ARL8B: variants seen among roughly 807,000 people sequenced by gnomAD.
The protein encoded by ARL8B is ADP-ribosylation factor-like protein 8B.
ARL8B carries 9 observed loss-of-function variants against 30.6 expected under a neutral mutation model. That is an observed-to-expected ratio of 0.29 (90% confidence interval 0.18 to 0.51). ARL8B has a LOEUF of 0.51. Ranked by LOEUF, ARL8B falls within the 20% of genes least tolerant of loss-of-function variation. ARL8B has a pLI of 0.97. For synonymous variants in ARL8B, 74 were observed against 76.0 expected (o/e 0.97, Z 0.14); for missense variants, 130 against 227.2 (o/e 0.57, Z 2.75).
Position 5,131,349 on chromosome 3 carries a change from C to T in ARL8B, c.123+8761C>T, listed in dbSNP as rs183767851. Among the ~76,000 whole-genome samples the T allele has an allele frequency of 1.9e-3, 295 of 151,884 alleles. 3 individuals carry two copies. The highest frequency in any genetic ancestry group is 2.3e-3 in the Non-Finnish European group (155 of 67,920). On this transcript the variant is annotated intron_variant, in intron 1 of 6. Coordinates refer to ENST00000256496, the MANE Select transcript of ARL8B (RefSeq NM_018184.3). ...TCTCTCCTTCATAATTTAGCTATTTCGTTTCTAGCTTTTGGCAATCTTATT... is the reference window on the plus strand; with the variant it reads ...TCTCTCCTTCATAATTTAGCTATTTTGTTTCTAGCTTTTGGCAATCTTATT...
At chr3:5,149,635 T>C (rs538605996) in intron 1 of ARL8B, among the ~76,000 whole-genome samples, 21 of 152,340 alleles carry the variant, frequency 1.4e-4, no homozygotes, top group Non-Finnish European at 2.2e-4. Flanking sequence ...CTTCCCCACT[T>C]AAGTTTCGAT....
chr3:5,165,651 A>T (rs1055151515), intron 1 of ARL8B, among the ~76,000 whole-genome samples: 3 of 152,164 alleles, frequency 2.0e-5, no homozygotes, highest in Non-Finnish European at 4.4e-5. Context: ...TACACCCTTA[A>T]AAAATGATTC....
At chr3:5,130,897 CAT>C (rs983779112) in intron 1 of ARL8B, among the ~76,000 whole-genome samples, 4 of 152,126 alleles carry the variant, frequency 2.6e-5, no homozygotes, top group Admixed American at 6.6e-5. Context: ...AGGCTACACA[CAT>C]AGTTAGGCCT....
chr3:5,172,540 A>T, intron 3 of ARL8B, 107 bp from the exon 4 acceptor site: 1 of 783,886 alleles, frequency 1.3e-6, no homozygotes, highest in Non-Finnish European at 2.1e-6. Context: ...TATTTTGGTT[A>T]ATAATTTCAA....
At chr3:5,173,982 T>G in intron 4 of ARL8B, 35 bp from the exon 5 acceptor site, 1 of 1,487,226 alleles carries the variant, frequency 6.7e-7, no homozygotes, top group Non-Finnish European at 9.4e-7. Context: ...TTTTCTTGCA[T>G]AAACGTGTGC....
At chr3:5,178,215 T>G (rs1373162446) in intron 6 of ARL8B, among the ~76,000 whole-genome samples, 1 of 152,102 alleles carries the variant, frequency 6.6e-6, no homozygotes, top group Non-Finnish European at 1.5e-5. Context: ...CAATGTTTCA[T>G]GCCTTTTAAC....
At chr3:5,146,471 T>C (rs1459907666) in intron 1 of ARL8B, among the ~76,000 whole-genome samples, 2 of 152,216 alleles carry the variant, frequency 1.3e-5, no homozygotes, top group African/African-American at 2.4e-5. Flanking sequence ...AGCCTTTTTC[T>C]CCCTTCAGTA....
At position 5,172,067 on chromosome 3, in the gene ARL8B, A is replaced by G. The variant is rs1045856626; in HGVS notation, c.205-83A>G. ...TTGTAGAAATAAATATATCTTCCCG[A>G]TCTTTCTTTTTTTCTGTTACTTCCT... is the stretch of plus-strand genomic sequence containing the variant. On this transcript the variant is annotated intron_variant, in intron 2 of 6. Coordinates refer to ENST00000256496, the MANE Select transcript of ARL8B (RefSeq NM_018184.3). The G allele has an allele frequency of 1.3e-5, 17 of 1,315,420 alleles. No individual in the cohort carries two copies. In the African/African-American group the frequency reaches 2.2e-4, roughly 17 times the overall value. 81.5% of individuals were successfully genotyped at this position (1,315,420 alleles called of 1,614,324 possible).
At chr3:5,170,410 C>G (rs2054662129) in intron 1 of ARL8B, 93 bp from the exon 2 acceptor site, 1 of 741,922 alleles carries the variant, frequency 1.3e-6, no homozygotes, top group African/African-American at 1.8e-5. Context: ...AAAATATTTA[C>G]TAAAATGGTT....
At chr3:5,159,660 C>T (rs1251618066) in intron 1 of ARL8B, among the ~76,000 whole-genome samples, 4 of 145,400 alleles carry the variant, frequency 2.8e-5, no homozygotes, top group Admixed American at 6.8e-5. Context: ...ATTTTTGTTA[C>T]ATACATATCT....
At chr3:5,129,206 C>T (rs528453571) in intron 1 of ARL8B, among the ~76,000 whole-genome samples, 2 of 151,994 alleles carry the variant, frequency 1.3e-5, no homozygotes, top group Non-Finnish European at 2.9e-5. Context: ...TAGAGTCTCG[C>T]TCTTGTTGCC....
At chr3:5,129,288 C>G (rs898574135) in intron 1 of ARL8B, among the ~76,000 whole-genome samples, 9 of 152,132 alleles carry the variant, frequency 5.9e-5, no homozygotes, top group Admixed American at 5.9e-4. Context: ...AATTCTCCTG[C>G]CTCAGCTTCC....
In ARL8B at chr3:5,122,645, G is replaced by T; in HGVS notation, c.123+57G>T. ...TCCGCAGCCAGGAGTCCGGCCCGGC[G>T]CTTCTCCAAGGCCTGAGTTGGGGCC... is the stretch of plus-strand genomic sequence containing the variant. On this transcript the variant is annotated intron_variant, in intron 1 of 6. Transcript: ENST00000256496. 3 of 1,550,150 alleles carry T rather than the reference G, an allele frequency of 1.9e-6. No individual in the cohort carries two copies. The East Asian group carries it at 6.9e-5, about 36-fold the overall frequency.
At chr3:5,162,068 GT>G (rs2054589151) in intron 1 of ARL8B, among the ~76,000 whole-genome samples, 1 of 152,202 alleles carries the variant, frequency 6.6e-6, no homozygotes, top group Non-Finnish European at 1.5e-5. Context: ...CGTTATCTGT[GT>G]ATGCTGTCAA....
intron 1 of ARL8B, among the ~76,000 whole-genome samples, chr3:5,133,420 G>C (rs1017534936): frequency 1.3e-5 from 2 of 152,170 alleles, no homozygotes; most frequent in Non-Finnish European, 2.9e-5. Flanking sequence ...GGAGACAGTT[G>C]GGGAGGAGGG....
chr3:5,166,583 C>T (rs2054626513), intron 1 of ARL8B, among the ~76,000 whole-genome samples: 1 of 152,070 alleles, frequency 6.6e-6, no homozygotes, highest in African/African-American at 2.4e-5. Flanking sequence ...GGCAATCCAC[C>T]TGCCTTGGCC....
At position 5,174,086 on chromosome 3, in the gene ARL8B, T is replaced by A. The variant is rs1482203385; in HGVS notation, c.440+2T>A. Reference sequence around the variant, plus strand: ...TGAGAAACAGCTAATTGAAAAAATGTATGTCTTGAATATGCTATTTTAATA... The same window carrying A: ...TGAGAAACAGCTAATTGAAAAAATGAATGTCTTGAATATGCTATTTTAATA... On this transcript the variant is annotated splice_donor_variant, in intron 5 of 6. Coordinates refer to ENST00000256496, the MANE Select transcript of ARL8B (RefSeq NM_018184.3). LOFTEE classifies it high-confidence loss of function. The A allele has an allele frequency of 6.2e-7, 1 of 1,605,510 alleles. No individual in the cohort carries two copies. The highest frequency in any genetic ancestry group is 1.1e-5 in the South Asian group (1 of 90,758).
chr3:5,138,796 C>G (rs987371582), intron 1 of ARL8B, among the ~76,000 whole-genome samples: 1 of 152,162 alleles, frequency 6.6e-6, no homozygotes, highest in Non-Finnish European at 1.5e-5. Context: ...TTATGACTGT[C>G]CATCATTTTA....
In ARL8B at chr3:5,179,289, A is replaced by AGAGT. The variant is rs1170344619; in HGVS notation, c.*580_*583dup. On this transcript the variant is annotated 3_prime_UTR_variant, in exon 7 of 7. Transcript: ENST00000256496. Reference sequence around the variant, plus strand: ...CTTAGGAATCCAAAATGGTCTGCAGAGAGTGAGCGGAGGCACCAGATCAAT... The same window carrying AGAGT: ...CTTAGGAATCCAAAATGGTCTGCAGAGAGTGAGTGAGCGGAGGCACCAGATCAAT... 6.6e-6 allele frequency: 1 copy of AGAGT among 152,450 alleles called. No homozygotes were observed. Among genetic ancestry groups the AGAGT allele is most frequent in the Non-Finnish European group, 1.5e-5 (1 of 68,046 alleles). The allele number at this position is 152,450 out of a possible 1,614,324, so 9.4% of individuals were successfully genotyped here. A position where few individuals can be genotyped will look rare whatever the true frequency, so the allele number is the denominator to read the frequency against.
Sources: gnomAD v4.1 joint callset for allele counts (sites outside exome capture counted in the v4.1 genomes callset) on GRCh38, gnomAD v4.1.1 for gene constraint, MANE v1.5 for transcripts, NCBI Gene and HGNC (gene_info 2026-07-23, HGNC 2026-07-21) for gene names.